The following ZNF75A variants were observed in gnomAD, a reference collection of about 807,000 sequenced individuals.
ZNF75A encodes zinc finger protein 75A.
Under a neutral mutation model 46.3 loss-of-function variants are expected in ZNF75A, and 36 were observed. That is an observed-to-expected ratio of 0.78 (90% CI 0.60 to 1.03). The LOEUF is 1.03. ZNF75A is among the 50% of genes least tolerant of loss of function. The probability of loss-of-function intolerance (pLI) is 0.00; values close to 1 mark genes in which losing one functional copy is unlikely to be tolerated. For synonymous variants in ZNF75A, 234 were observed against 189.9 expected, an observed-to-expected ratio of 1.23 and a Z score of -1.91; for missense variants, 595 against 551.3, an observed-to-expected ratio of 1.08 and a Z score of -0.79.
At chr16:3,311,984 G>T (rs976341006) in intron 3 of ZNF75A, 36 bp downstream of exon 3, 5 of 971,526 alleles carry the variant, frequency 5.1e-6, no homozygotes, top group Non-Finnish European at 6.1e-6. Context: ...TCTCCTGGGA[G>T]CTGTGATAAT....
At chr16:3,312,492 G>A (rs529692653) in intron 3 of ZNF75A, 185 bp from the exon 4 acceptor site, 2 of 152,888 alleles carry the variant, frequency 1.3e-5, no homozygotes, top group South Asian at 4.1e-4. Flanking sequence ...TTTAGTTGGG[G>A]AACTAGTTCT....
rs1414431462 is a variant in ZNF75A, at chr16:3,318,072, C to T, written c.*203C>T. The stretch of plus-strand genomic sequence containing the variant: ...TGGTCACAGAAGTAAACATTGTTGG[C>T]TTTGTATTGATCTCTCCAGTCATTT... On this transcript the variant is annotated 3_prime_UTR_variant, in exon 7 of 7. Transcript: ENST00000669516. 1.0e-5 allele frequency: 14 copies of T among 1,369,898 alleles called. No homozygotes were observed. Among genetic ancestry groups the T allele is most frequent in the Middle Eastern group, 2.7e-4 (1 of 3,690 alleles). 84.9% of individuals were successfully genotyped at this position (1,369,898 alleles called of 1,614,324 possible).
downstream of ZNF75A, among the ~76,000 whole-genome samples, chr16:3,319,881 C>T (rs1475259510): frequency 6.6e-6 from 1 of 151,556 alleles, no homozygotes; most frequent in African/African-American, 2.4e-5. Flanking sequence ...GAGAGAGCAG[C>T]CATGAAATCA....
downstream of ZNF75A, among the ~76,000 whole-genome samples, chr16:3,321,970 A>G (rs1263191978): frequency 1.3e-5 from 2 of 152,188 alleles, no homozygotes; most frequent in African/African-American, 4.8e-5. Context: ...GAGTTCATAA[A>G]GGATTTTCCA....
chr16:3,323,189 G>A, downstream of ZNF75A: 1 of 688,006 alleles, frequency 1.5e-6, no homozygotes, highest in Non-Finnish European at 2.6e-6. Context: ...CCTGGGTCTA[G>A]TTCAGCTGGC....
chr16:3,310,598 C>T, intron 2 of ZNF75A: 3 of 882,530 alleles, frequency 3.4e-6, no homozygotes, highest in Non-Finnish European at 4.1e-6. Flanking sequence ...TGTACCCCAG[C>T]CTGGGTGACA....
At chr16:3,316,750 T>C (rs1360658691) in intron 5 of ZNF75A, 162 bp from the exon 6 acceptor site, 11 of 556,256 alleles carry the variant, frequency 2.0e-5, no homozygotes, top group Non-Finnish European at 2.9e-5. Context: ...CCTATAAGTA[T>C]AACATAGTAT....
chr16:3,313,659 C>G (rs1960980963), intron 5 of ZNF75A, among the ~76,000 whole-genome samples: 2 of 152,222 alleles, frequency 1.3e-5, no homozygotes, highest in South Asian at 4.1e-4. Flanking sequence ...AGCTTTTTAA[C>G]AGGTGCGCCT....
downstream of ZNF75A, among the ~76,000 whole-genome samples, chr16:3,319,802 T>A (rs1203456849): frequency 1.5e-4 from 21 of 144,096 alleles, no homozygotes; most frequent in Admixed American, 5.9e-4. Flanking sequence ...TTTTTATTTT[T>A]TTTTTTATTT....
At chr16:3,314,997 C>T (rs12325187) in intron 5 of ZNF75A, 26 of 984,818 alleles carry the variant, frequency 2.6e-5, no homozygotes, top group South Asian at 9.4e-5. Flanking sequence ...GATAGTGTAG[C>T]GGAGGGTGTA....
In ZNF75A at chr16:3,317,708, C is replaced by T; in HGVS notation, c.1453C>T (p.Pro485Ser). 1 of 1,614,160 alleles carries T rather than the reference C, an allele frequency of 6.2e-7. No individual in the cohort carries two copies. The highest frequency in any genetic ancestry group is 8.5e-7 in the Non-Finnish European group (1 of 1,180,034). The part of the protein sequence containing the change: ...THQRTHTGEK[P>S]FTCHECGKKF... ...CCAAAGAACTCATACAGGAGAAAAG[C>T]CCTTCACATGTCATGAATGTGGAAA... The change falls in exon 7 of 7, where the codon CCC becomes TCC. Residue 485 changes from proline to serine, a missense_variant. Pro to Ser is a moderately conservative substitution (Grantham distance 74). Transcript: ENST00000669516.
At chr16:3,306,198 G>A (rs960221553) in intron 1 of ZNF75A, 6 of 152,092 alleles carry the variant, frequency 3.9e-5, no homozygotes, top group Non-Finnish European at 7.4e-5. Flanking sequence ...GCTCTCCTCA[G>A]CCCCCCTTAG....
chr16:3,307,098 C>T (rs948512395), intron 1 of ZNF75A: 2 of 151,930 alleles, frequency 1.3e-5, no homozygotes, highest in African/African-American at 2.4e-5. Context: ...ACTACAGGCG[C>T]GCACTACCAC....
At chr16:3,317,131 T>C (rs567640988) in intron 6 of ZNF75A, 59 bp from the exon 7 acceptor site, 2 of 1,552,248 alleles carry the variant, frequency 1.3e-6, no homozygotes, top group South Asian at 2.4e-5. Context: ...ATTTTTCTTT[T>C]TATTCCTGTG....
intron 2 of ZNF75A, 151 bp downstream of exon 2, chr16:3,308,987 AG>A (rs1445515710): frequency 6.8e-6 from 2 of 292,816 alleles, no homozygotes; most frequent in Admixed American, 1.3e-4. Context: ...TTGAAACTAC[AG>A]GCCCACAGAA....
At chr16:3,311,712 AAAGT>A in intron 2 of ZNF75A, 37 bp from the exon 3 acceptor site, 1 of 1,024,582 alleles carries the variant, frequency 9.8e-7, no homozygotes, top group Non-Finnish European at 1.2e-6. Context: ...CCACAAACCA[AAAGT>A]AAGTTCTGTG....
At chr16:3,315,475 G>T (rs543137360) in intron 5 of ZNF75A, among the ~76,000 whole-genome samples, 1 of 152,068 alleles carries the variant, frequency 6.6e-6, no homozygotes, top group African/African-American at 2.4e-5. Flanking sequence ...GATTATAGGC[G>T]TGAGCCACCG....
At position 3,314,882 on chromosome 16, in the gene ZNF75A, C is replaced by T. The variant is rs911205574; in HGVS notation, c.823+1707C>T. The T allele has an allele frequency of 3.0e-6, 3 of 985,234 alleles. No individual in the cohort carries two copies. The African/African-American group carries it at 5.2e-5, about 17-fold the overall frequency. The allele number at this position is 985,234 out of a possible 1,614,324, so 61.0% of individuals were successfully genotyped here. ...ACTGTCATTTGTCTAGGTAAAGATTCTCCCTTCTTTTTGTGTAGAAGTTGA... is the reference window on the plus strand; with the variant it reads ...ACTGTCATTTGTCTAGGTAAAGATTTTCCCTTCTTTTTGTGTAGAAGTTGA... On this transcript the variant is annotated intron_variant, in intron 5 of 6. Transcript: ENST00000669516.
At chr16:3,313,286 T>C in intron 5 of ZNF75A, 111 bp downstream of exon 5, 1 of 1,105,660 alleles carries the variant, frequency 9.0e-7, no homozygotes, top group South Asian at 1.5e-5. Context: ...GATTCTCATC[T>C]AGATGGTATA....
Sources: gnomAD v4.1 joint callset for allele counts (sites outside exome capture counted in the v4.1 genomes callset) on GRCh38, gnomAD v4.1.1 for gene constraint, MANE v1.5 for transcripts, NCBI Gene and HGNC (gene_info 2026-07-23, HGNC 2026-07-21) for gene names.